The following REDIC1 variants were observed in gnomAD, a reference collection of about 807,000 sequenced individuals.
REDIC1 encodes regulator of DNA class I crossover intermediates 1, also known as HEI10 Interacting Protein 1.
At chr12:39,850,276 A>T in the REDIC1 span, among the ~76,000 whole-genome samples, 1 of 152,146 alleles carries the variant, frequency 6.6e-6, no homozygotes, top group South Asian at 2.1e-4. Flanking sequence ...GTATTGATAT[A>T]TTTTTCAACA....
the REDIC1 span, among the ~76,000 whole-genome samples, chr12:39,637,168 G>A: frequency 2.6e-5 from 4 of 150,960 alleles, no homozygotes; most frequent in African/African-American, 9.8e-5. Flanking sequence ...AAAGAATAAA[G>A]TAACAAATAT....
At chr12:39,665,463 T>C in the REDIC1 span, among the ~76,000 whole-genome samples, 1 of 150,408 alleles carries the variant, frequency 6.6e-6, no homozygotes, top group Non-Finnish European at 1.5e-5. Flanking sequence ...CCATGCTGTT[T>C]TGTTTACTGT....
chr12:39,858,558 T>C, the REDIC1 span, among the ~76,000 whole-genome samples: 1,958 of 152,294 alleles, frequency 0.013, 16 homozygotes, highest in Middle Eastern at 0.048. Flanking sequence ...ATTACCAGGA[T>C]GTCAAATACT....
the REDIC1 span, among the ~76,000 whole-genome samples, chr12:39,767,601 G>C: frequency 1.3e-5 from 2 of 152,034 alleles, no homozygotes; most frequent in Non-Finnish European, 2.9e-5. Flanking sequence ...TCTTCCAACA[G>C]AAGGCAGTTT....
chr12:39,907,896 C>CTTAGAAT, the REDIC1 span: 13 of 152,112 alleles, frequency 8.5e-5, no homozygotes, highest in African/African-American at 2.9e-4. Context: ...ATCAATGCTC[C>CTTAGAAT]CAACCCACCC....
chr12:39,858,489 C>A, the REDIC1 span, among the ~76,000 whole-genome samples: 4 of 152,242 alleles, frequency 2.6e-5, no homozygotes, highest in East Asian at 7.7e-4. Flanking sequence ...TGTTTCAATT[C>A]ACAGCATAAT....
At chr12:39,839,682 G>A in the REDIC1 span, among the ~76,000 whole-genome samples, 3 of 151,856 alleles carry the variant, frequency 2.0e-5, no homozygotes, top group Non-Finnish European at 4.4e-5. Context: ...CTTTGCTTCT[G>A]TTCTGGGCCA....
chr12:39,782,670 C>T, the REDIC1 span, among the ~76,000 whole-genome samples: 2 of 152,188 alleles, frequency 1.3e-5, no homozygotes, highest in East Asian at 3.9e-4. Flanking sequence ...AACTGGGTAA[C>T]AGACAAAGGT....
chr12:39,887,720 T>G, the REDIC1 span, among the ~76,000 whole-genome samples: 1 of 152,222 alleles, frequency 6.6e-6, no homozygotes, highest in Non-Finnish European at 1.5e-5. Context: ...AAGACCATTT[T>G]ATAATTTGTC....
the REDIC1 span, among the ~76,000 whole-genome samples, chr12:39,735,553 A>G: frequency 4.6e-5 from 7 of 152,240 alleles, no homozygotes; most frequent in African/African-American, 1.4e-4. Context: ...ACTTACTGGG[A>G]TCAAAAATAC....
At chr12:39,666,720 A>G in the REDIC1 span, among the ~76,000 whole-genome samples, 1 of 152,072 alleles carries the variant, frequency 6.6e-6, no homozygotes, top group African/African-American at 2.4e-5. Context: ...TTGGTAAGCT[A>G]TTAATTATTG....
chr12:39,739,479 C>T, the REDIC1 span, among the ~76,000 whole-genome samples: 2 of 152,270 alleles, frequency 1.3e-5, no homozygotes, highest in East Asian at 3.9e-4. Flanking sequence ...CTTCAAAACT[C>T]ATGGTCTAAT....
the REDIC1 span, among the ~76,000 whole-genome samples, chr12:39,871,115 A>T: frequency 6.6e-6 from 1 of 152,218 alleles, no homozygotes; most frequent in African/African-American, 2.4e-5. Flanking sequence ...GCAGCCATGT[A>T]AAATCAATGT....
chr12:39,865,998 G>A, the REDIC1 span, among the ~76,000 whole-genome samples: 46 of 152,144 alleles, frequency 3.0e-4, no homozygotes, highest in Non-Finnish European at 5.3e-4. Flanking sequence ...CTTATATAAC[G>A]AGCCTGCACA....
the REDIC1 span, chr12:39,626,196 G>C: frequency 6.0e-6 from 5 of 827,870 alleles, no homozygotes; most frequent in Admixed American, 1.2e-4. Context: ...TTGGGCCTCA[G>C]GCGGTGGACC....
the REDIC1 span, among the ~76,000 whole-genome samples, chr12:39,906,527 C>G: frequency 6.6e-6 from 1 of 152,080 alleles, no homozygotes; most frequent in East Asian, 1.9e-4. Context: ...ACAGTTTCAA[C>G]TTGAAAGAAA....
At chr12:39,760,281 T>A in the REDIC1 span, 1 of 1,559,878 alleles carries the variant, frequency 6.4e-7, no homozygotes, top group African/African-American at 1.4e-5. Flanking sequence ...GATACATGAA[T>A]ATGAATATAT....
chr12:39,838,130 G>A, the REDIC1 span, among the ~76,000 whole-genome samples: 2 of 147,244 alleles, frequency 1.4e-5, no homozygotes, highest in East Asian at 2.0e-4. Context: ...AGAAAATGTG[G>A]CACATATACA....
At chr12:39,792,803 GA>G in the REDIC1 span, among the ~76,000 whole-genome samples, 6 of 149,516 alleles carry the variant, frequency 4.0e-5, no homozygotes, top group African/African-American at 1.2e-4. Flanking sequence ...TGTATTTAAT[GA>G]AAAAAAAAAA....
Sources: gnomAD v4.1 joint callset for allele counts (sites outside exome capture counted in the v4.1 genomes callset) on GRCh38, gnomAD v4.1.1 for gene constraint, MANE v1.5 for transcripts, NCBI Gene and HGNC (gene_info 2026-07-23, HGNC 2026-07-21) for gene names.